The following TMEM268 variants were observed in gnomAD, a reference collection of about 807,000 sequenced individuals.
TMEM268 encodes transmembrane protein 268.
A neutral mutation model predicts 39.1 loss-of-function variants in TMEM268; 24 were observed. That is an observed-to-expected ratio of 0.61 (90% CI 0.44 to 0.86). The LOEUF is 0.86. Ranked by LOEUF, TMEM268 falls within the 40% of genes least tolerant of loss-of-function variation. The pLI is 0.00. For missense variants in TMEM268, 409 were observed against 428.6 expected (o/e 0.95, Z 0.40); for synonymous variants, 176 against 173.5 (o/e 1.01, Z -0.12).
the TMEM268 span, among the ~76,000 whole-genome samples, chr9:114,605,615 T>G: frequency 6.6e-6 from 1 of 152,120 alleles, no homozygotes; most frequent in African/African-American, 2.4e-5. Flanking sequence ...AGCCTCCTTT[T>G]TTTCCTACTT....
chr9:114,633,107 C>T (rs1251070077), intron 5 of TMEM268, among the ~76,000 whole-genome samples: 4 of 151,828 alleles, frequency 2.6e-5, no homozygotes, highest in Non-Finnish European at 2.9e-5. Flanking sequence ...GTGATCCTCT[C>T]GCCTCACCCT....
At chr9:114,636,361 C>G (rs1846634127) in intron 6 of TMEM268, among the ~76,000 whole-genome samples, 1 of 152,128 alleles carries the variant, frequency 6.6e-6, no homozygotes, top group South Asian at 2.1e-4. Context: ...TGTTCACGCC[C>G]CGCCCATTGA....
chr9:114,629,068 A>G (rs930249818), intron 5 of TMEM268, among the ~76,000 whole-genome samples: 4 of 152,230 alleles, frequency 2.6e-5, no homozygotes, highest in Non-Finnish European at 4.4e-5. Flanking sequence ...AGCCCTGGCC[A>G]TGCTGCTAAT....
chr9:114,606,874 C>A (rs543600199), upstream of TMEM268, among the ~76,000 whole-genome samples: 13 of 150,772 alleles, frequency 8.6e-5, no homozygotes, highest in Middle Eastern at 3.4e-3. Context: ...AAAAAAAAAA[C>A]CAAAAAACAC....
intron 3 of TMEM268, among the ~76,000 whole-genome samples, chr9:114,625,236 C>A (rs1352320422): frequency 1.3e-5 from 2 of 152,048 alleles, no homozygotes; most frequent in African/African-American, 4.8e-5. Context: ...CTGGCATTGT[C>A]TCTAGTATAT....
At chr9:114,620,367 C>G (rs968256872) in intron 2 of TMEM268, among the ~76,000 whole-genome samples, 1 of 152,080 alleles carries the variant, frequency 6.6e-6, no homozygotes, top group South Asian at 2.1e-4. Context: ...ACCCTAGTCT[C>G]CCGAGTAGCT....
Position 114,617,297 on chromosome 9 carries a change from G to A in TMEM268, c.102G>A (p.Gly34=), listed in dbSNP as rs781310001. ...CTGGAGGGAGCCCTCCTGGCTGGGG[G>A]CAAGGTAAGATCATGACCTTTCATT... is the stretch of plus-strand genomic sequence containing the variant. ...ALPGGSPPGW[G]QELHNGQVLT... is the part of the protein sequence containing the mutation. Residue 34 remains glycine (G), a synonymous_variant, in exon 2 of 9, where the codon GGG becomes GGA. Coordinates refer to ENST00000288502, the MANE Select transcript of TMEM268 (RefSeq NM_153045.4). 1.9e-6 allele frequency: 3 copies of A among 1,611,196 alleles called. No individual in the cohort carries two copies. The highest frequency in any genetic ancestry group is 2.5e-6 in the Non-Finnish European group (3 of 1,177,650).
chr9:114,641,440 C>A (rs904982331), intron 8 of TMEM268, among the ~76,000 whole-genome samples: 9 of 152,196 alleles, frequency 5.9e-5, no homozygotes, highest in African/African-American at 1.4e-4. Context: ...GCTTCAACCC[C>A]ATGCTTAAGG....
At chr9:114,608,535 G>C (rs1845395276), upstream of TMEM268, among the ~76,000 whole-genome samples, 1 of 152,214 alleles carries the variant, frequency 6.6e-6, no homozygotes, top group South Asian at 2.1e-4. Context: ...GACCACATCT[G>C]GCTTCATGGA....
chr9:114,624,194 C>T, intron 2 of TMEM268, 156 bp from the exon 3 acceptor site: 2 of 1,414,554 alleles, frequency 1.4e-6, no homozygotes, highest in Non-Finnish European at 1.9e-6. Flanking sequence ...CAAATCCAGT[C>T]CTTCTCTCAA....
At chr9:114,638,433 C>A in intron 7 of TMEM268, 111 bp from the exon 8 acceptor site, 2 of 722,556 alleles carry the variant, frequency 2.8e-6, no homozygotes, top group Non-Finnish European at 4.4e-6. Flanking sequence ...AGGTCATCAT[C>A]TGAGTCTGAG....
intron 1 of TMEM268, among the ~76,000 whole-genome samples, chr9:114,611,834 A>AT (rs1698670639): frequency 6.6e-6 from 1 of 152,028 alleles, no homozygotes; most frequent in Non-Finnish European, 1.5e-5. Flanking sequence ...GGAGAAGGAG[A>AT]TCCCCCATCC....
intron 2 of TMEM268, among the ~76,000 whole-genome samples, chr9:114,619,325 A>G (rs1362762833): frequency 2.0e-5 from 3 of 150,996 alleles, no homozygotes; most frequent in East Asian, 2.0e-4. Flanking sequence ...ACACACAGAC[A>G]CACACATTTT....
At position 114,643,303 on chromosome 9, in the gene TMEM268, T is replaced by C. The variant is rs1186693757; in HGVS notation, c.1019T>C (p.Leu340Pro). The C allele has an allele frequency of 6.2e-7, 1 of 1,614,078 alleles. No homozygotes were observed. The highest frequency in any genetic ancestry group is 1.7e-5 in the Admixed American group (1 of 60,016). ...YILGTGCCPF[L>P]AR ...CTAGGCACAGGGTGCTGCCCGTTCC[T>C]GGCGAGGTGACCTAGGGATGAAGGT... The change falls in exon 9 of 9, where the codon CTG becomes CCG. Residue 340 changes from leucine to proline, a missense_variant. Physicochemically the swap from Leu to Pro is moderately conservative, Grantham distance 98 (BLOSUM62 -3). Coordinates refer to ENST00000288502, the MANE Select transcript of TMEM268 (RefSeq NM_153045.4).
chr9:114,621,808 A>G (rs769997300), intron 2 of TMEM268, among the ~76,000 whole-genome samples: 13 of 152,156 alleles, frequency 8.5e-5, no homozygotes, highest in Admixed American at 1.3e-4. Context: ...GTGTGGTGAG[A>G]CATAGAACGA....
chr9:114,636,983 C>CGAGAA lies in TMEM268; in HGVS notation c.586-7_586-6insGAGAA. 6.2e-7 allele frequency: 1 copy of CGAGAA among 1,609,550 alleles called. No homozygotes were observed. Among genetic ancestry groups the CGAGAA allele is most frequent in the Non-Finnish European group, 8.5e-7 (1 of 1,176,264 alleles). On this transcript the variant is annotated splice_region_variant and splice_polypyrimidine_tract_variant and intron_variant, in intron 6 of 8. Transcript: ENST00000288502. Reference sequence around the variant, plus strand: ...GCCACGGTGGTCACTGCTGCTTCTCCCCACAGCTTTGGTTTGTCTACTTCG... The same window carrying CGAGAA: ...GCCACGGTGGTCACTGCTGCTTCTCCGAGAACCACAGCTTTGGTTTGTCTACTTCG...
chr9:114,633,966 C>T (rs1408383524), intron 6 of TMEM268, 88 bp downstream of exon 6: 1 of 708,454 alleles, frequency 1.4e-6, no homozygotes, highest in African/African-American at 1.8e-5. Context: ...TCCCAGCCTA[C>T]ACAGTGTTTG....
upstream of TMEM268, among the ~76,000 whole-genome samples, chr9:114,608,701 T>C (rs778380975): frequency 6.6e-5 from 10 of 152,218 alleles, no homozygotes; most frequent in Non-Finnish European, 1.3e-4. Flanking sequence ...TTTTTGTTTT[T>C]GTTTTGTTTG....
intron 5 of TMEM268, among the ~76,000 whole-genome samples, chr9:114,628,908 T>A (rs1312466866): frequency 6.6e-6 from 1 of 152,216 alleles, no homozygotes; most frequent in Non-Finnish European, 1.5e-5. Context: ...TCAGTGTCTG[T>A]CTTTTGATAT....
Sources: allele counts gnomAD v4.1 joint callset (sites outside exome capture counted in the v4.1 genomes callset), GRCh38; gene constraint gnomAD v4.1.1; transcripts MANE v1.5; gene names NCBI Gene and HGNC (gene_info 2026-07-23, HGNC 2026-07-21).